Variants in THEMIS observed in about 807,000 individuals in gnomAD.
THEMIS encodes the protein thymocyte selection associated.
A neutral mutation model predicts 52.6 loss-of-function variants in THEMIS; 37 were observed. The observed-to-expected ratio is 0.70, with a 90% CI of 0.54 to 0.93. The LOEUF is 0.93. THEMIS is among the 40% of genes least tolerant of loss of function. The pLI, the probability that THEMIS is intolerant of heterozygous loss-of-function variation, is 0.00. For synonymous variants in THEMIS, 292 were observed against 272.7 expected (o/e 1.07, Z -0.70); for missense variants, 808 against 763.1 (o/e 1.06, Z -0.69).
chr6:127,889,977 T>C (rs1308594159), intron 1 of THEMIS, among the ~76,000 whole-genome samples: 1 of 152,164 alleles, frequency 6.6e-6, no homozygotes, highest in Non-Finnish European at 1.5e-5. Flanking sequence ...TGACACGTCT[T>C]CTATTAGCAC....
intron 5 of THEMIS, among the ~76,000 whole-genome samples, chr6:127,716,250 G>C (rs934479495): frequency 1.3e-5 from 2 of 151,820 alleles, no homozygotes; most frequent in Admixed American, 6.6e-5. Context: ...TGAGTTTCTA[G>C]AGAGACATAA....
intron 1 of THEMIS, among the ~76,000 whole-genome samples, chr6:127,899,797 T>C (rs1248182493): frequency 6.6e-6 from 1 of 151,158 alleles, no homozygotes; most frequent in Non-Finnish European, 1.5e-5. Flanking sequence ...CGGCAAAACA[T>C]AGTCTGATTC....
At chr6:127,851,341 G>A (rs186070315) in intron 2 of THEMIS, among the ~76,000 whole-genome samples, 63 of 151,752 alleles carry the variant, frequency 4.2e-4, no homozygotes, top group Admixed American at 1.6e-3. Flanking sequence ...GCCTAGACAT[G>A]TGATGATCAA....
chr6:127,848,569 C>T (rs1779305429), intron 2 of THEMIS, among the ~76,000 whole-genome samples: 1 of 151,252 alleles, frequency 6.6e-6, no homozygotes, highest in Admixed American at 6.6e-5. Context: ...TATTTCTCCA[C>T]ATCCTCTCCA....
chr6:127,859,839 A>G (rs1244984544), intron 1 of THEMIS, among the ~76,000 whole-genome samples: 1 of 152,158 alleles, frequency 6.6e-6, no homozygotes, highest in Admixed American at 6.6e-5. Context: ...TCTGCAAAGT[A>G]TGGCTGATAG....
intron 5 of THEMIS, among the ~76,000 whole-genome samples, chr6:127,718,014 G>A (rs1052560097): frequency 1.3e-5 from 2 of 151,606 alleles, no homozygotes; most frequent in Non-Finnish European, 2.9e-5. Flanking sequence ...TATGAAGTAT[G>A]GTAAATGTTA....
At chr6:127,789,092 C>T (rs1467369773) in intron 4 of THEMIS, among the ~76,000 whole-genome samples, 1 of 151,998 alleles carries the variant, frequency 6.6e-6, no homozygotes, top group Non-Finnish European at 1.5e-5. Context: ...AATACAGGAG[C>T]TGATTTTTTG....
At chr6:127,869,801 C>A (rs1008604121) in intron 1 of THEMIS, among the ~76,000 whole-genome samples, 1 of 152,168 alleles carries the variant, frequency 6.6e-6, no homozygotes, top group Admixed American at 6.5e-5. Flanking sequence ...ACATCCTATA[C>A]AACAACAACA....
chr6:127,872,570 A>G (rs1780189884), intron 1 of THEMIS, among the ~76,000 whole-genome samples: 1 of 152,174 alleles, frequency 6.6e-6, no homozygotes, highest in Non-Finnish European at 1.5e-5. Context: ...TCAAAAGAAA[A>G]AAACAAAAAA....
chr6:127,705,818 C>A (rs1370403789), downstream of THEMIS, among the ~76,000 whole-genome samples: 2 of 152,110 alleles, frequency 1.3e-5, no homozygotes, highest in African/African-American at 4.8e-5. Context: ...ACCTGCTGGC[C>A]TCTTGGATTT....
At chr6:127,738,136 A>G (rs1451811903) in intron 4 of THEMIS, among the ~76,000 whole-genome samples, 1 of 152,168 alleles carries the variant, frequency 6.6e-6, no homozygotes, top group African/African-American at 2.4e-5. Flanking sequence ...CTCCCACTCA[A>G]TAATATAGTA....
chr6:127,860,196 T>A (rs1162275199), intron 1 of THEMIS, among the ~76,000 whole-genome samples: 1 of 152,126 alleles, frequency 6.6e-6, no homozygotes, highest in Non-Finnish European at 1.5e-5. Context: ...GCAGAGACAA[T>A]GTCATTCCCA....
In THEMIS at chr6:127,708,830, T is replaced by A. The variant is rs1413452317; in HGVS notation, c.*1155A>T. ...TGTTCTAAAGTTGACTCACAATTTA[T>A]TGTCTTCAGAAACACTTTGGTACAA... On this transcript the variant is annotated 3_prime_UTR_variant, in exon 6 of 6. Transcript: ENST00000368248. The A allele has an allele frequency of 6.6e-6, 1 of 152,016 alleles. No homozygotes were observed. Among genetic ancestry groups the A allele is most frequent in the Non-Finnish European group, 1.5e-5 (1 of 67,952 alleles). The allele number at this position is 152,016 out of a possible 1,614,324, so 9.4% of individuals were successfully genotyped here.
At chr6:127,761,458 T>TA (rs1382573518) in intron 4 of THEMIS, among the ~76,000 whole-genome samples, 1 of 152,192 alleles carries the variant, frequency 6.6e-6, no homozygotes. Context: ...CATGTGAAGA[T>TA]AGACTTGAAC....
At chr6:127,765,514 T>C (rs1257561370) in intron 4 of THEMIS, among the ~76,000 whole-genome samples, 1 of 152,098 alleles carries the variant, frequency 6.6e-6, no homozygotes, top group Non-Finnish European at 1.5e-5. Context: ...AAGAAATTTG[T>C]AATGCCAAAT....
At chr6:127,715,538 A>G (rs1289346642) in intron 5 of THEMIS, among the ~76,000 whole-genome samples, 1 of 151,892 alleles carries the variant, frequency 6.6e-6, no homozygotes, top group Non-Finnish European at 1.5e-5. Flanking sequence ...CTAATCCTCA[A>G]AATGGTCCTG....
At chr6:127,874,705 C>G (rs1780262850) in intron 1 of THEMIS, among the ~76,000 whole-genome samples, 1 of 152,118 alleles carries the variant, frequency 6.6e-6, no homozygotes, top group Non-Finnish European at 1.5e-5. Context: ...GGATTCTGAA[C>G]TTAAATTTGA....
At chr6:127,702,885 C>T in the THEMIS span, among the ~76,000 whole-genome samples, 3 of 151,938 alleles carry the variant, frequency 2.0e-5, no homozygotes, top group Non-Finnish European at 2.9e-5. Context: ...ACGAGAACAG[C>T]ATGGGAAAGA....
intron 1 of THEMIS, among the ~76,000 whole-genome samples, chr6:127,889,607 A>T (rs1780744104): frequency 6.6e-6 from 1 of 152,108 alleles, no homozygotes; most frequent in Non-Finnish European, 1.5e-5. Context: ...AAATAAGAAA[A>T]CTAAACTATA....
Sources: allele counts gnomAD v4.1 joint callset (sites outside exome capture counted in the v4.1 genomes callset), GRCh38; gene constraint gnomAD v4.1.1; transcripts MANE v1.5; gene names NCBI Gene and HGNC (gene_info 2026-07-23, HGNC 2026-07-21).